The following DNAI2 variants were observed in gnomAD, a reference collection of about 807,000 sequenced individuals.
DNAI2 encodes the protein dynein, axonemal, intermediate polypeptide 2.
In DNAI2, 63 loss-of-function variants were observed where a neutral mutation model predicts 74.7. The observed-to-expected ratio is 0.84, with a 90% CI of 0.69 to 1.04. The LOEUF (loss-of-function observed/expected upper bound fraction) is 1.04. DNAI2 is among the 50% of genes least tolerant of loss of function. DNAI2 has a pLI of 0.00. For missense variants in DNAI2, 688 were observed against 803.2 expected (o/e 0.86, Z 1.73); for synonymous variants, 289 against 314.9 (o/e 0.92, Z 0.87).
intron 8 of DNAI2, among the ~76,000 whole-genome samples, chr17:74,304,088 C>T: frequency 6.6e-6 from 1 of 151,708 alleles, no homozygotes; most frequent in South Asian, 2.1e-4. Flanking sequence ...CACTGCTGCA[C>T]TCCAGCCTGG....
At chr17:74,313,856 G>A (rs952774367) in intron 12 of DNAI2, 1 of 488,418 alleles carries the variant, frequency 2.0e-6, no homozygotes, top group East Asian at 3.9e-5. Flanking sequence ...GGAGACTCAG[G>A]AGGAGCTAGC....
At chr17:74,294,796 A>T (rs1314433868) in intron 6 of DNAI2, among the ~76,000 whole-genome samples, 1 of 152,128 alleles carries the variant, frequency 6.6e-6, no homozygotes, top group African/African-American at 2.4e-5. Context: ...TAAAAATCAA[A>T]TATGGAATAT....
At chr17:74,285,010 A>G (rs1346927055) in intron 2 of DNAI2, 30 bp from the exon 3 acceptor site, 2 of 1,613,742 alleles carry the variant, frequency 1.2e-6, no homozygotes, top group Admixed American at 3.3e-5. Context: ...TACCAGGGTG[A>G]CGTCTTCCCT....
chr17:74,285,958 C>CATATAT lies in DNAI2; in HGVS notation c.345+765_345+770dup, dbSNP rs755199948. Among the ~76,000 whole-genome samples, 639 of 111,804 alleles carry CATATAT rather than the reference C, an allele frequency of 5.7e-3. 8 individuals carry two copies. The highest frequency in any genetic ancestry group is 0.055 in the East Asian group (244 of 4,398). 73.3% of individuals were successfully genotyped at this position (111,804 alleles called of 152,430 possible). The stretch of plus-strand genomic sequence containing the variant: ...GATGAGTGCCATATACACACACACA[C>CATATAT]ATATATATATATAGAGAGAGAGAGA... On this transcript the variant is annotated intron_variant, in intron 3 of 13. Transcript: ENST00000311014.
intron 1 of DNAI2, among the ~76,000 whole-genome samples, chr17:74,279,493 A>G (rs796248671): frequency 2.6e-5 from 4 of 152,230 alleles, no homozygotes; most frequent in African/African-American, 9.6e-5. Context: ...AAAAATTAAA[A>G]AAAAATAGCA....
chr17:74,287,583 A>T (rs1171022501), intron 4 of DNAI2, among the ~76,000 whole-genome samples: 1 of 152,178 alleles, frequency 6.6e-6, no homozygotes, highest in Non-Finnish European at 1.5e-5. Context: ...AGACTAGAAC[A>T]AGCTAAGTCC....
In DNAI2 at chr17:74,285,070, CG is replaced by C; in HGVS notation, c.218del (p.Gly73GlufsTer13). The C allele has an allele frequency of 6.2e-7, 1 of 1,614,170 alleles. No homozygotes were observed. Among genetic ancestry groups the C allele is most frequent in the Non-Finnish European group, 8.5e-7 (1 of 1,180,026 alleles). ...CTCAGAGCGGTTTGAGATGGAGACC[CG>C]GGGAGTTAACCATGTCGAGGGGGGC... ...ANSERFEMETRGVNHVEGGWP... is the reference protein window; with the variant it reads ...ANSERFEMETXGVNHVEGGWP... On this transcript the variant is annotated frameshift_variant, in exon 3 of 14. Coordinates refer to ENST00000311014, the MANE Select transcript of DNAI2 (RefSeq NM_023036.6). LOFTEE classifies it high-confidence loss of function.
intron 12 of DNAI2, 34 bp downstream of exon 12, chr17:74,312,264 G>GGGGGGGGGGGGGGGC: frequency 2.0e-6 from 1 of 506,562 alleles, no homozygotes; most frequent in African/African-American, 2.0e-5. Flanking sequence ...GTGGGTTGGG[G>GGGGGGGGGGGGGGGC]ACTGGGCGGG....
chr17:74,299,837 T>C lies in DNAI2; in HGVS notation c.844T>C (p.Ser282Pro). The change falls in exon 7 of 14, where the codon TCA (serine) becomes CCA (proline). Residue 282 changes from serine to proline, a missense_variant. Transcript: ENST00000311014. The part of the protein sequence containing the change: ...LQSKTGTECF[S>P]ASTDGQVMWW... ...GTCGAAGACGGGCACCGAGTGCTTC[T>C]CAGCTTCCACGGATGGGCAGGTACC... The C allele has an allele frequency of 6.2e-7, 1 of 1,612,990 alleles. No homozygotes were observed. The highest frequency in any genetic ancestry group is 1.1e-5 in the South Asian group (1 of 91,066).
chr17:74,309,171 G>A (rs561830846), intron 9 of DNAI2, 82 bp from the exon 10 acceptor site: 1 of 1,511,726 alleles, frequency 6.6e-7, no homozygotes, highest in Admixed American at 1.8e-5. Context: ...TGAGATCCTG[G>A]AGCCCAGAAG....
chr17:74,295,691 G>A (rs1445218447), intron 6 of DNAI2, among the ~76,000 whole-genome samples: 1 of 151,938 alleles, frequency 6.6e-6, no homozygotes, highest in Admixed American at 6.6e-5. Flanking sequence ...ATTTAATGTG[G>A]CAACTTTGCA....
At chr17:74,293,983 A>G (rs2052280072) in intron 6 of DNAI2, among the ~76,000 whole-genome samples, 1 of 151,382 alleles carries the variant, frequency 6.6e-6, no homozygotes, top group Non-Finnish European at 1.5e-5. Flanking sequence ...AGGTTTTACC[A>G]TGTTGGCCAG....
At chr17:74,301,270 C>T in intron 8 of DNAI2, 102 bp downstream of exon 8, 1 of 1,573,356 alleles carries the variant, frequency 6.4e-7, no homozygotes, top group African/African-American at 1.3e-5. Flanking sequence ...GAACCCAGCA[C>T]CAGCCCAGGG....
In DNAI2 at chr17:74,274,809, A is replaced by G. The variant is rs74794062; in HGVS notation, c.-12+464A>G. On this transcript the variant is annotated intron_variant, in intron 1 of 13. Coordinates refer to ENST00000311014, the MANE Select transcript of DNAI2 (RefSeq NM_023036.6). ...ACACCTGCTAGGTGGCAGGTGTTTT[A>G]AGTGCTTTCTTTCATTTCTTCCTCA... Among the ~76,000 whole-genome samples, 15 of 152,260 alleles carry G rather than the reference A, an allele frequency of 9.9e-5. No homozygotes were observed. In the East Asian group the frequency reaches 2.5e-3, roughly 25 times the overall value.
At chr17:74,275,995 A>G (rs934713986) in intron 1 of DNAI2, among the ~76,000 whole-genome samples, 3 of 152,146 alleles carry the variant, frequency 2.0e-5, no homozygotes, top group African/African-American at 7.2e-5. Flanking sequence ...GGGACCAAGA[A>G]GAAGAGGAAA....
In DNAI2 at chr17:74,300,994, C is replaced by A; in HGVS notation, c.865-52C>A. The A allele has an allele frequency of 6.2e-7, 1 of 1,609,706 alleles. No homozygotes were observed. The highest frequency in any genetic ancestry group is 8.5e-7 in the Non-Finnish European group (1 of 1,178,014). ...GGGGTGAGGGCGGAGAAGGCAAAAG[C>A]CAGGGGAAATACAGGGCCTCGAAGT... On this transcript the variant is annotated intron_variant, in intron 7 of 13. Coordinates refer to ENST00000311014, the MANE Select transcript of DNAI2 (RefSeq NM_023036.6). The surrounding 1 kb of genome is among the most constrained non-coding windows in gnomAD (Gnocchi z 4.5).
At chr17:74,303,667 G>A (rs922571881) in intron 8 of DNAI2, among the ~76,000 whole-genome samples, 32 of 149,412 alleles carry the variant, frequency 2.1e-4, no homozygotes, top group Admixed American at 1.3e-3. Context: ...ATCTTGGCTC[G>A]CTGCAACCTC....
intron 6 of DNAI2, among the ~76,000 whole-genome samples, chr17:74,297,836 A>G (rs1358811413): frequency 1.3e-5 from 2 of 152,136 alleles, no homozygotes; most frequent in Non-Finnish European, 2.9e-5. Context: ...CCCTGGGCGT[A>G]AAAAGCATTC....
At chr17:74,314,419 C>T in intron 13 of DNAI2, 148 bp downstream of exon 13, 1 of 1,127,792 alleles carries the variant, frequency 8.9e-7, no homozygotes, top group Non-Finnish European at 1.3e-6. Context: ...TGAGCCACCC[C>T]TTGGAGAGAG....
Sources: allele counts gnomAD v4.1 joint callset (sites outside exome capture counted in the v4.1 genomes callset), GRCh38; gene constraint gnomAD v4.1.1; non-coding constraint Gnocchi (gnomAD v3.1); transcripts MANE v1.5; gene names NCBI Gene and HGNC (gene_info 2026-07-23, HGNC 2026-07-21).